STAU1: variants seen among roughly 807,000 people sequenced by gnomAD.
STAU1 encodes the protein staufen double-stranded RNA binding protein 1.
In STAU1, 13 loss-of-function variants were observed where a neutral mutation model predicts 62.9. That is an observed-to-expected ratio of 0.21 (90% confidence interval 0.13 to 0.33). The LOEUF is 0.33. STAU1 is among the 10% of genes least tolerant of loss of function. The pLI is 1.00. For missense variants in STAU1, 571 were observed against 712.1 expected (o/e 0.80, Z 2.25); for synonymous variants, 269 against 265.1 (o/e 1.01, Z -0.14).
chr20:49,208,909 A>T, the STAU1 span, among the ~76,000 whole-genome samples: 1 of 151,366 alleles, frequency 6.6e-6, no homozygotes, highest in Non-Finnish European at 1.5e-5. Context: ...GGCGTGAGCC[A>T]CTGCGCCCGG....
intron 5 of STAU1, among the ~76,000 whole-genome samples, chr20:49,149,486 T>C (rs1886020127): frequency 6.6e-6 from 1 of 152,208 alleles, no homozygotes; most frequent in South Asian, 2.1e-4. Flanking sequence ...CATATAGCAG[T>C]GTCCAGCAAT....
chr20:49,173,404 T>C (rs1046273750), intron 2 of STAU1, among the ~76,000 whole-genome samples: 4 of 152,106 alleles, frequency 2.6e-5, no homozygotes, highest in East Asian at 3.9e-4. Context: ...TGAGCCAACA[T>C]GGCGCCATTG....
intron 5 of STAU1, among the ~76,000 whole-genome samples, chr20:49,141,633 G>A (rs1373302332): frequency 6.6e-6 from 1 of 152,218 alleles, no homozygotes; most frequent in African/African-American, 2.4e-5. Flanking sequence ...GGTGGCTCAT[G>A]CCTGTAATCC....
chr20:49,138,860 T>C (rs1362966855), intron 5 of STAU1, among the ~76,000 whole-genome samples: 1 of 152,110 alleles, frequency 6.6e-6, no homozygotes, highest in East Asian at 1.9e-4. Flanking sequence ...TATGAGTGAA[T>C]CCTTAAAACT....
chr20:49,133,930 AG>A (rs1411257538), intron 6 of STAU1, among the ~76,000 whole-genome samples: 1 of 152,178 alleles, frequency 6.6e-6, no homozygotes, highest in African/African-American at 2.4e-5. Flanking sequence ...GGAGCACTGA[AG>A]CTGGGTTAAG....
intron 6 of STAU1, among the ~76,000 whole-genome samples, chr20:49,135,182 G>A (rs1028210066): frequency 6.6e-6 from 1 of 152,170 alleles, no homozygotes; most frequent in African/African-American, 2.4e-5. Context: ...AAGAAAGTGG[G>A]TTATCAAGGG....
intron 2 of STAU1, among the ~76,000 whole-genome samples, chr20:49,170,844 C>G (rs1180931351): frequency 6.6e-6 from 1 of 150,920 alleles, no homozygotes; most frequent in Non-Finnish European, 1.5e-5. Flanking sequence ...GCCTCCTTTT[C>G]AGATCATCAC....
At chr20:49,174,414 T>C (rs1278243278) in intron 1 of STAU1, 145 bp from the exon 2 acceptor site, 1 of 152,198 alleles carries the variant, frequency 6.6e-6, no homozygotes, top group African/African-American at 2.4e-5. Flanking sequence ...CAGCATGCAG[T>C]AGAGTCTTCA....
chr20:49,138,456 C>T (rs1196245341), intron 5 of STAU1, among the ~76,000 whole-genome samples: 2 of 152,096 alleles, frequency 1.3e-5, no homozygotes, highest in Non-Finnish European at 2.9e-5. Context: ...TCACCTGAGT[C>T]AAAACTACTT....
At chr20:49,120,566 G>A (rs75515335) in intron 8 of STAU1, among the ~76,000 whole-genome samples, 14 of 152,094 alleles carry the variant, frequency 9.2e-5, no homozygotes, top group South Asian at 4.1e-4. Context: ...CAAATGCTAC[G>A]TATCAAAGAT....
At chr20:49,202,230 A>AAAAGAAAGAAAGAAAGAAAGAAAG in the STAU1 span, among the ~76,000 whole-genome samples, 4,932 of 129,918 alleles carry the variant, frequency 0.038, 136 homozygotes, top group Non-Finnish European at 0.05. Flanking sequence ...AAAAAAAAAA[A>AAAAGAAAGAAAGAAAGAAAGAAAG]AAAGAAAGAA....
At chr20:49,166,760 C>A (rs2093532680) in intron 2 of STAU1, among the ~76,000 whole-genome samples, 1 of 152,174 alleles carries the variant, frequency 6.6e-6, no homozygotes, top group Non-Finnish European at 1.5e-5. Context: ...AAGGCTCAGA[C>A]TGACAACCTT....
intron 3 of STAU1, among the ~76,000 whole-genome samples, chr20:49,156,264 C>G (rs2093354986): frequency 6.6e-6 from 1 of 152,114 alleles, no homozygotes; most frequent in South Asian, 2.1e-4. Context: ...CTTCGGAAAT[C>G]TTTGAAATTA....
In STAU1 at chr20:49,117,817, G is replaced by C; in HGVS notation, c.1469C>G (p.Ser490Cys). 1 of 1,614,016 alleles carries C rather than the reference G, an allele frequency of 6.2e-7. No individual in the cohort carries two copies. Among genetic ancestry groups the C allele is most frequent in the Non-Finnish European group, 8.5e-7 (1 of 1,179,980 alleles). The stretch of plus-strand genomic sequence containing the variant: ...TCTGGAAAGATAGTCCAGTTGCTCA[G>C]AGGGTCTCGTGAGAGGTCCATGGGG... ...HVPHGPLTRP[S>C]EQLDYLSRVQ... Residue 490 changes from serine to cysteine, a missense_variant, in exon 11 of 14, where the codon TCT (serine) becomes TGT (cysteine). This residue lies in a region of STAU1 where 156 missense variants were observed against 194.7 expected (regional missense o/e 0.80). Coordinates refer to ENST00000371856, the MANE Select transcript of STAU1 (RefSeq NM_017453.4). The surrounding 1 kb of genome is among the most constrained non-coding windows in gnomAD (Gnocchi z 4.6).
At chr20:49,122,846 G>A (rs2092496246) in intron 8 of STAU1, among the ~76,000 whole-genome samples, 1 of 152,180 alleles carries the variant, frequency 6.6e-6, no homozygotes, top group African/African-American at 2.4e-5. Context: ...CAATCAGGGA[G>A]TCGGAGGTTG....
chr20:49,123,288 G>A (rs2092510763), intron 7 of STAU1, 53 bp from the exon 8 acceptor site: 9 of 1,612,866 alleles, frequency 5.6e-6, no homozygotes, highest in Non-Finnish European at 7.6e-6. Flanking sequence ...GCATGAACTT[G>A]GTCAACTCAG....
At chr20:49,118,726 G>A (rs945221769) in intron 9 of STAU1, among the ~76,000 whole-genome samples, 3 of 152,244 alleles carry the variant, frequency 2.0e-5, no homozygotes, top group Non-Finnish European at 2.9e-5. Flanking sequence ...AGAGATGCTA[G>A]ACGGTAGAGC....
chr20:49,162,649 G>A (rs1453580495), intron 3 of STAU1, among the ~76,000 whole-genome samples: 2 of 151,792 alleles, frequency 1.3e-5, no homozygotes, highest in African/African-American at 4.8e-5. Flanking sequence ...GGTGGCGGGC[G>A]CCTGTAGTCC....
At chr20:49,150,114 G>A (rs2093216674) in intron 5 of STAU1, among the ~76,000 whole-genome samples, 3 of 152,144 alleles carry the variant, frequency 2.0e-5, no homozygotes, top group Admixed American at 2.0e-4. Flanking sequence ...GATTCTGCCT[G>A]GCCAAAGATA....
Sources: allele counts gnomAD v4.1 joint callset (sites outside exome capture counted in the v4.1 genomes callset), GRCh38; gene constraint gnomAD v4.1.1; regional missense constraint gnomAD v4.1.1; non-coding constraint Gnocchi (gnomAD v3.1); transcripts MANE v1.5; gene names NCBI Gene and HGNC (gene_info 2026-07-23, HGNC 2026-07-21).